HMBOX1: variants seen among roughly 807,000 people sequenced by gnomAD.
HMBOX1 encodes the protein homeobox-containing protein 1.
HMBOX1 carries 14 observed loss-of-function variants against 54.5 expected under a neutral mutation model. That is an observed-to-expected ratio of 0.26 (90% CI 0.17 to 0.40). The LOEUF (loss-of-function observed/expected upper bound fraction) is 0.40. Among genes scored for constraint, HMBOX1 ranks in the 10% least tolerant of loss-of-function variants. The pLI, the probability that HMBOX1 is intolerant of heterozygous loss-of-function variation, is 1.00. For missense variants in HMBOX1, 332 were observed against 514.4 expected, an observed-to-expected ratio of 0.65 and a Z score of 3.43; for synonymous variants, 160 against 181.0, an observed-to-expected ratio of 0.88 and a Z score of 0.93.
rs759055110 is a variant in HMBOX1, at chr8:28,980,188, CAT to C, written c.586+33_586+34del. ...GCTGAAGAGCCCTTTATTCTGGAATCATGTGTAGTCTCTGCCTTCTGGTGCAG... is the reference window on the plus strand; with the variant it reads ...GCTGAAGAGCCCTTTATTCTGGAATCGTGTAGTCTCTGCCTTCTGGTGCAG... On this transcript the variant is annotated intron_variant, in intron 4 of 9. Transcript: ENST00000287701. 1.8e-5 allele frequency: 26 copies of C among 1,448,220 alleles called. No homozygotes were observed. In the South Asian group the frequency reaches 2.3e-4, roughly 13 times the overall value. 89.7% of individuals were successfully genotyped at this position (1,448,220 alleles called of 1,614,324 possible). A position where few individuals can be genotyped will look rare whatever the true frequency, so the allele number is the denominator to read the frequency against.
chr8:28,990,260 G>T (rs1345654939), intron 4 of HMBOX1, among the ~76,000 whole-genome samples: 1 of 152,064 alleles, frequency 6.6e-6, no homozygotes, highest in East Asian at 1.9e-4. Context: ...CTTGTTCCCA[G>T]TCTTAGGGAG....
At chr8:28,921,206 T>A (rs1427020319) in intron 1 of HMBOX1, among the ~76,000 whole-genome samples, 2 of 152,062 alleles carry the variant, frequency 1.3e-5, no homozygotes, top group Admixed American at 1.3e-4. Context: ...GGTAGTGGCA[T>A]ATGCCTGTAA....
chr8:28,915,217 A>G (rs1197253507), intron 1 of HMBOX1, among the ~76,000 whole-genome samples: 1 of 152,186 alleles, frequency 6.6e-6, no homozygotes, highest in Admixed American at 6.5e-5. Context: ...TCTAGTTACT[A>G]CATTTTATGA....
intron 1 of HMBOX1, among the ~76,000 whole-genome samples, chr8:28,945,404 T>C (rs909547405): frequency 2.0e-5 from 3 of 152,248 alleles, no homozygotes; most frequent in Non-Finnish European, 4.4e-5. Flanking sequence ...TCTCTTACTT[T>C]ATCCAACTCC....
At chr8:29,032,871 G>C (rs530701161) in intron 6 of HMBOX1, among the ~76,000 whole-genome samples, 2 of 152,188 alleles carry the variant, frequency 1.3e-5, no homozygotes, top group East Asian at 3.9e-4. Context: ...CGGTAGTGCA[G>C]TATTTTCTAA....
intron 1 of HMBOX1, among the ~76,000 whole-genome samples, chr8:28,931,236 A>G (rs1819420258): frequency 6.6e-6 from 1 of 152,230 alleles, no homozygotes; most frequent in South Asian, 2.1e-4. Flanking sequence ...TAACAAGTGT[A>G]GAAAGTTATA....
At chr8:29,005,650 A>G (rs1833344834) in intron 4 of HMBOX1, among the ~76,000 whole-genome samples, 1 of 152,184 alleles carries the variant, frequency 6.6e-6, no homozygotes, top group South Asian at 2.1e-4. Context: ...GGACACCCAT[A>G]TAACCACCCT....
intron 6 of HMBOX1, among the ~76,000 whole-genome samples, chr8:29,020,887 A>G (rs1031905763): frequency 6.6e-6 from 1 of 152,228 alleles, no homozygotes; most frequent in Non-Finnish European, 1.5e-5. Flanking sequence ...GGTATAAGAT[A>G]AAAGTAAGGC....
chr8:28,898,351 T>G (rs1812567040), intron 1 of HMBOX1, among the ~76,000 whole-genome samples: 1 of 152,242 alleles, frequency 6.6e-6, no homozygotes, highest in African/African-American at 2.4e-5. Context: ...ACCTGTGATT[T>G]CAGTTTTTTC....
chr8:29,033,231 G>A (rs1803289240), intron 6 of HMBOX1, among the ~76,000 whole-genome samples: 1 of 152,142 alleles, frequency 6.6e-6, no homozygotes, highest in Non-Finnish European at 1.5e-5. Context: ...GAACATGCTG[G>A]AAGAATACAC....
Position 28,890,402 on chromosome 8 carries a change from T to A in HMBOX1, c.-334T>A. ...GCAGGTGGGAGAGGGGCTGTTGATA[T>A]CAATATGGCGGTTGTCAGCCAGACA... On this transcript the variant is annotated 5_prime_UTR_variant, in exon 1 of 10. Transcript: ENST00000287701. The A allele has an allele frequency of 6.1e-6, 1 of 163,244 alleles. No individual in the cohort carries two copies. The highest frequency in any genetic ancestry group is 1.4e-5 in the Non-Finnish European group (1 of 73,200). The allele number at this position is 163,244 out of a possible 1,614,324, so 10.1% of individuals were successfully genotyped here.
chr8:28,966,682 C>CA (rs1826494845), intron 2 of HMBOX1, among the ~76,000 whole-genome samples: 1 of 152,076 alleles, frequency 6.6e-6, no homozygotes, highest in Non-Finnish European at 1.5e-5. Flanking sequence ...TCTCAATATC[C>CA]AGGAGAGCTT....
intron 1 of HMBOX1, among the ~76,000 whole-genome samples, chr8:28,942,186 C>A (rs549200347): frequency 6.6e-6 from 1 of 152,344 alleles, no homozygotes; most frequent in South Asian, 2.1e-4. Context: ...GAAAAAGACA[C>A]CATGCCATTT....
At chr8:29,006,625 T>G (rs985102317) in intron 4 of HMBOX1, among the ~76,000 whole-genome samples, 11 of 152,138 alleles carry the variant, frequency 7.2e-5, no homozygotes, top group African/African-American at 2.7e-4. Flanking sequence ...GTTTTCTGGG[T>G]TTTTTTATGG....
chr8:28,917,631 T>C (rs1816797967), intron 1 of HMBOX1, among the ~76,000 whole-genome samples: 1 of 152,226 alleles, frequency 6.6e-6, no homozygotes, highest in Non-Finnish European at 1.5e-5. Flanking sequence ...TTTTCAGTGT[T>C]AAGGCAAAAG....
At chr8:28,915,052 A>G (rs1288267110) in intron 1 of HMBOX1, among the ~76,000 whole-genome samples, 1 of 152,204 alleles carries the variant, frequency 6.6e-6, no homozygotes, top group Non-Finnish European at 1.5e-5. Flanking sequence ...GACAGGTAAG[A>G]CTTCTGGCAA....
intron 1 of HMBOX1, among the ~76,000 whole-genome samples, chr8:28,962,826 T>C (rs1025617478): frequency 1.3e-5 from 2 of 152,300 alleles, no homozygotes; most frequent in East Asian, 1.9e-4. Context: ...ATTATATTTT[T>C]TATTTGAGAG....
Position 29,051,946 on chromosome 8 carries a change from A to T in HMBOX1, c.*791A>T, listed in dbSNP as rs909426772. The T allele has an allele frequency of 4.7e-5, 10 of 211,588 alleles. No individual in the cohort carries two copies. The highest frequency in any genetic ancestry group is 8.6e-5 in the Non-Finnish European group (9 of 104,382). The allele number at this position is 211,588 out of a possible 1,614,324, so 13.1% of individuals were successfully genotyped here. On this transcript the variant is annotated 3_prime_UTR_variant, in exon 10 of 10. Coordinates refer to ENST00000287701, the MANE Select transcript of HMBOX1 (RefSeq NM_001135726.3). The stretch of plus-strand genomic sequence containing the variant: ...CAGCTTGAGAGCATTGGAAAAAAAA[A>T]ATATGAGCTGAATGTCTAATGGATG...
intron 2 of HMBOX1, 48 bp from the exon 3 acceptor site, chr8:28,969,995 G>T: frequency 1.8e-6 from 2 of 1,130,832 alleles, no homozygotes; most frequent in South Asian, 1.4e-5. Flanking sequence ...TATGTGCTTT[G>T]GTAGATACTG....
Sources: allele counts gnomAD v4.1 joint callset (sites outside exome capture counted in the v4.1 genomes callset), GRCh38; gene constraint gnomAD v4.1.1; transcripts MANE v1.5; gene names NCBI Gene and HGNC (gene_info 2026-07-23, HGNC 2026-07-21).